ADAMTSL1: variants seen among roughly 807,000 people sequenced by gnomAD.
The protein encoded by ADAMTSL1 is ADAMTS like 1, also known as ADAMTS-like protein 1.
In ADAMTSL1, 126 loss-of-function variants were observed where a neutral mutation model predicts 201.8. That is an observed-to-expected ratio of 0.62 (90% CI 0.54 to 0.72). The LOEUF (loss-of-function observed/expected upper bound fraction) is 0.72. Among genes scored for constraint, ADAMTSL1 ranks in the 30% least tolerant of loss-of-function variants. The pLI is 0.00. For missense variants in ADAMTSL1, 2,679 were observed against 2,277.8 expected (o/e 1.18, Z -3.59); for synonymous variants, 1,121 against 903.4 (o/e 1.24, Z -4.32).
At chr9:18,259,830 G>A (rs577818168) in intron 2 of ADAMTSL1, among the ~76,000 whole-genome samples, 1 of 151,954 alleles carries the variant, frequency 6.6e-6, no homozygotes, top group South Asian at 2.1e-4. Context: ...TATTCATGCT[G>A]GTTTTCTTAG....
In ADAMTSL1 at chr9:18,906,786, G is replaced by A. The variant is rs750373794; in HGVS notation, c.5056G>A (p.Gly1686Ser). ...GTGCACAGCTACCTGTGGCAACTAC[G>A]GCTTCCAGTCCCGGCGTGTGGAGTG... ...TLCTATCGNY[G>S]FQSRRVECVH... is the part of the protein sequence containing the mutation. The change falls in exon 28 of 29, where the codon GGC becomes AGC. Residue 1686 changes from glycine (G) to serine (S), a missense_variant. Gly to Ser is a moderately conservative substitution (Grantham distance 56). Coordinates refer to ENST00000380548, the MANE Select transcript of ADAMTSL1 (RefSeq NM_001040272.6). 9.7e-5 allele frequency: 157 copies of A among 1,613,866 alleles called. No homozygotes were observed. Among genetic ancestry groups the A allele is most frequent in the Middle Eastern group, 1.6e-4 (1 of 6,082 alleles).
chr9:18,188,802 ATGTATTTGATGATGATGAT>A (rs1828848601), intron 2 of ADAMTSL1, among the ~76,000 whole-genome samples: 1 of 152,114 alleles, frequency 6.6e-6, no homozygotes, highest in African/African-American at 2.4e-5. Flanking sequence ...CTATTTTCCT[ATGTATTTGATGATGATGAT>A]TAATTTGCTG....
chr9:18,306,376 T>C (rs1335770501), intron 2 of ADAMTSL1, among the ~76,000 whole-genome samples: 1 of 152,060 alleles, frequency 6.6e-6, no homozygotes, highest in Non-Finnish European at 1.5e-5. Context: ...CTTCAGAAAG[T>C]GGATAATAAC....
At chr9:18,163,363 A>G (rs935246402) in intron 1 of ADAMTSL1, among the ~76,000 whole-genome samples, 1 of 152,056 alleles carries the variant, frequency 6.6e-6, no homozygotes, top group Non-Finnish European at 1.5e-5. Context: ...CGGAGCAGCT[A>G]AAGTACATCT....
At chr9:18,800,899 A>G (rs1384124894) in intron 20 of ADAMTSL1, among the ~76,000 whole-genome samples, 1 of 152,192 alleles carries the variant, frequency 6.6e-6, no homozygotes, top group Non-Finnish European at 1.5e-5. Flanking sequence ...GCCTTATTCT[A>G]CTTAGACGCC....
intron 1 of ADAMTSL1, among the ~76,000 whole-genome samples, chr9:17,909,489 A>G (rs1361671011): frequency 2.2e-5 from 2 of 90,734 alleles, no homozygotes; most frequent in African/African-American, 5.5e-5. Flanking sequence ...TCTTGAATTG[A>G]TTTTCGTATA....
At chr9:18,731,673 A>G (rs1818224490) in intron 15 of ADAMTSL1, among the ~76,000 whole-genome samples, 1 of 152,200 alleles carries the variant, frequency 6.6e-6, no homozygotes, top group Non-Finnish European at 1.5e-5. Context: ...CAGGCTGTAC[A>G]GGAAGCATAG....
intron 2 of ADAMTSL1, among the ~76,000 whole-genome samples, chr9:18,451,602 C>T (rs972043779): frequency 6.6e-6 from 1 of 152,134 alleles, no homozygotes; most frequent in African/African-American, 2.4e-5. Flanking sequence ...ATCTGGCTAC[C>T]CCGGAAATGA....
At chr9:18,254,026 A>G (rs561897142) in intron 2 of ADAMTSL1, among the ~76,000 whole-genome samples, 10 of 152,200 alleles carry the variant, frequency 6.6e-5, no homozygotes, top group Admixed American at 1.3e-4. Context: ...ACCAGATATC[A>G]TCGTGTTTGG....
intron 15 of ADAMTSL1, among the ~76,000 whole-genome samples, chr9:18,738,578 A>G (rs568116): frequency 0.82 from 125,467 of 152,100 alleles, 51,810 homozygotes; most frequent in African/African-American, 0.85. Context: ...GTGTAATCCA[A>G]TGTTCTTATT....
intron 3 of ADAMTSL1, 93 bp downstream of exon 3, chr9:18,533,385 C>A: frequency 1.9e-6 from 2 of 1,038,026 alleles, no homozygotes; most frequent in Non-Finnish European, 2.8e-6. Flanking sequence ...AATCAACCAA[C>A]TAGTATTTCA....
chr9:18,160,667 T>C (rs1563775610), intron 1 of ADAMTSL1, among the ~76,000 whole-genome samples: 1 of 150,380 alleles, frequency 6.6e-6, no homozygotes, highest in African/African-American at 2.4e-5. Flanking sequence ...TATTTCTTTT[T>C]TTAATTAATT....
intron 1 of ADAMTSL1, among the ~76,000 whole-genome samples, chr9:18,102,780 G>T (rs1824587199): frequency 6.6e-6 from 1 of 152,154 alleles, no homozygotes; most frequent in Admixed American, 6.5e-5. Context: ...GATGATCAAG[G>T]GATGAATGGC....
chr9:18,829,610 T>G (rs1052243952), intron 22 of ADAMTSL1, among the ~76,000 whole-genome samples: 1 of 152,178 alleles, frequency 6.6e-6, no homozygotes, highest in African/African-American at 2.4e-5. Flanking sequence ...TATGCCTGCT[T>G]CTTCTTACTG....
chr9:18,866,293 T>A (rs1827537667), intron 23 of ADAMTSL1, among the ~76,000 whole-genome samples: 1 of 152,116 alleles, frequency 6.6e-6, no homozygotes, highest in African/African-American at 2.4e-5. Flanking sequence ...CTGTTGCTGC[T>A]GGCAATCCAT....
chr9:18,622,435 C>T (rs769426267), intron 5 of ADAMTSL1, 66 bp downstream of exon 5: 1 of 1,604,446 alleles, frequency 6.2e-7, no homozygotes, highest in South Asian at 1.1e-5. Context: ...TTAGGTCTGG[C>T]CCCACTAAAC....
At chr9:17,938,283 G>A (rs1185942411) in intron 1 of ADAMTSL1, among the ~76,000 whole-genome samples, 1 of 152,060 alleles carries the variant, frequency 6.6e-6, no homozygotes, top group East Asian at 1.9e-4. Flanking sequence ...GGCCTTATGT[G>A]CAAACTCGTT....
intron 1 of ADAMTSL1, among the ~76,000 whole-genome samples, chr9:18,030,401 G>A (rs1820898564): frequency 6.6e-6 from 1 of 152,054 alleles, no homozygotes; most frequent in Admixed American, 6.5e-5. Context: ...CTGTTGTGTG[G>A]TGGGGGGAGT....
chr9:18,277,143 C>T (rs997852527), intron 2 of ADAMTSL1, among the ~76,000 whole-genome samples: 2 of 152,148 alleles, frequency 1.3e-5, no homozygotes, highest in Non-Finnish European at 2.9e-5. Context: ...ACATTTGAGA[C>T]TTGTTTTGTG....
Sources: gnomAD v4.1 joint callset for allele counts (sites outside exome capture counted in the v4.1 genomes callset) on GRCh38, gnomAD v4.1.1 for gene constraint, MANE v1.5 for transcripts, NCBI Gene and HGNC (gene_info 2026-07-23, HGNC 2026-07-21) for gene names.